The following GRK6 variants were observed in gnomAD, a reference collection of about 807,000 sequenced individuals.
GRK6 encodes G protein-coupled receptor kinase 6.
GRK6 carries 37 observed loss-of-function variants against 80.8 expected under a neutral mutation model. The observed-to-expected ratio is 0.46, with a 90% CI of 0.35 to 0.60. GRK6 has a LOEUF of 0.60. GRK6 is among the 20% of genes least tolerant of loss of function. The pLI is 0.00. For missense variants in GRK6, 560 were observed against 784.6 expected (o/e 0.71, Z 3.42); for synonymous variants, 295 against 320.9 (o/e 0.92, Z 0.86).
In GRK6 at chr5:177,433,652, G is replaced by A; in HGVS notation, c.714G>A (p.Leu238=). 1.9e-6 allele frequency: 3 copies of A among 1,614,146 alleles called. No homozygotes were observed. Among genetic ancestry groups the A allele is most frequent in the South Asian group, 2.2e-5 (2 of 91,092 alleles). The change falls in exon 8 of 16, where the codon CTG becomes CTA. Residue 238 remains leucine (L), a synonymous_variant. Coordinates refer to ENST00000355472, the MANE Select transcript of GRK6 (RefSeq NM_001004106.3). The part of the protein sequence containing the change: ...EAMALNEKQI[L]EKVNSRFVVS... ...TGGCGCTGAACGAGAAGCAGATCCT[G>A]GAGAAAGTGAACAGTAGGTTTGTAG...
At chr5:177,426,521 T>C (rs1260118655), upstream of GRK6, 2 of 152,008 alleles carry the variant, frequency 1.3e-5, no homozygotes, top group Non-Finnish European at 2.9e-5. Flanking sequence ...CGTACTTCTT[T>C]GAGCGAGTCC....
At chr5:177,432,616 A>T in intron 4 of GRK6, 90 bp from the exon 5 acceptor site, 1 of 923,408 alleles carries the variant, frequency 1.1e-6, no homozygotes, top group Non-Finnish European at 1.6e-6. Flanking sequence ...CTCTCATGGC[A>T]CCAGCCCGAG....
Position 177,429,948 on chromosome 5 carries a change from C to T in GRK6, c.53-924C>T, listed in dbSNP as rs1480604521. Among the ~76,000 whole-genome samples the T allele has an allele frequency of 6.6e-6, 1 of 152,134 alleles. No individual in the cohort carries two copies. Among genetic ancestry groups the T allele is most frequent in the Non-Finnish European group, 1.5e-5 (1 of 68,030 alleles). ...CTGGGAGGCTCAGGCCCCTTCCACC[C>T]TCCTCAACCTGGTGGCCCACAGGCC... is the stretch of plus-strand genomic sequence containing the variant. On this transcript the variant is annotated intron_variant, in intron 1 of 15. Transcript: ENST00000355472. The surrounding 1 kb of genome is among the most constrained non-coding windows in gnomAD (Gnocchi z 4.3).
At chr5:177,431,881 C>A in intron 2 of GRK6, 114 bp from the exon 3 acceptor site, 79 of 896,442 alleles carry the variant, frequency 8.8e-5, no homozygotes, top group Non-Finnish European at 1.1e-5. Context: ...ATTGTGGCTA[C>A]CACACTGCAG....
rs761589186 is a variant in GRK6 at position 177,436,540 on chromosome 5, G to A, written c.1404+10G>A. The stretch of plus-strand genomic sequence containing the variant: ...GCCGTTCAAGCCTGACGTGAGTGCA[G>A]CCCACTCCTGCTGAGGGCGGGGCCC... On this transcript the variant is annotated intron_variant, in intron 13 of 15. Transcript: ENST00000355472. The A allele has an allele frequency of 1.3e-6, 2 of 1,569,204 alleles. No homozygotes were observed. Among genetic ancestry groups the A allele is most frequent in the Non-Finnish European group, 1.7e-6 (2 of 1,156,022 alleles).
In GRK6 at chr5:177,432,102, G is replaced by A. The variant is rs1444794813; in HGVS notation, c.256G>A (p.Gly86Arg). Residue 86 changes from glycine to arginine, a missense_variant, in exon 3 of 16, where the codon GGG becomes AGG. Gly to Arg is a moderately radical substitution (Grantham distance 125). Transcript: ENST00000355472. ...ELSRCVAFLD[G>R]VAEYEVTPDD... ...GAGCCGCTGCGTCGCCTTCCTGGAT[G>A]GGGTGGTGAGTGCAGCCCAGCCCTG... 2.5e-6 allele frequency: 4 copies of A among 1,610,668 alleles called. No individual in the cohort carries two copies. The highest frequency in any genetic ancestry group is 3.4e-6 in the Non-Finnish European group (4 of 1,178,334).
At chr5:177,432,888 G>A (rs544998223) in intron 5 of GRK6, 82 bp downstream of exon 5, 23 of 1,157,578 alleles carry the variant, frequency 2.0e-5, no homozygotes, top group South Asian at 9.7e-5. Context: ...TGAACAGCTC[G>A]GTGGCTGGTG....
In GRK6 at chr5:177,434,085, C is replaced by A. The variant is rs749603773; in HGVS notation, c.910C>A (p.Arg304=). ...EICCGLEDLH[R]ERIVYRDLKP... ...CTGCTGTGGCCTGGAGGACCTGCAC[C>A]GGGAGCGCATCGTGTACAGGTGGGG... Residue 304 remains arginine (R), a synonymous_variant, in exon 9 of 16, where the codon CGG becomes AGG. Coordinates refer to ENST00000355472, the MANE Select transcript of GRK6 (RefSeq NM_001004106.3). The A allele has an allele frequency of 2.5e-6, 4 of 1,593,300 alleles. No individual in the cohort carries two copies. The highest frequency in any genetic ancestry group is 1.7e-4 in the Middle Eastern group (1 of 5,990).
chr5:177,442,873 T>C lies in GRK6; in HGVS notation c.*1083T>C, dbSNP rs925752236. The C allele has an allele frequency of 1.3e-5, 2 of 152,250 alleles. No individual in the cohort carries two copies. The highest frequency in any genetic ancestry group is 2.9e-5 in the Non-Finnish European group (2 of 68,038). The allele number at this position is 152,250 out of a possible 1,614,324, so 9.4% of individuals were successfully genotyped here. A position where few individuals can be genotyped will look rare whatever the true frequency, so the allele number is the denominator to read the frequency against. On this transcript the variant is annotated 3_prime_UTR_variant, in exon 16 of 16. Coordinates refer to ENST00000355472, the MANE Select transcript of GRK6 (RefSeq NM_001004106.3). ...AAGCTGCCACATGTCTCTGTGTGAA[T>C]AGTCCGAGCACAAACCTGGCTAGCC...
chr5:177,439,357 G>A (rs1446961597), intron 13 of GRK6, among the ~76,000 whole-genome samples: 5 of 152,006 alleles, frequency 3.3e-5, no homozygotes, highest in African/African-American at 1.2e-4. Context: ...TGGCCAACAA[G>A]GTGAAACCCC....
chr5:177,434,462 C>T (rs1467358913), intron 9 of GRK6, among the ~76,000 whole-genome samples: 1 of 152,192 alleles, frequency 6.6e-6, no homozygotes, highest in Non-Finnish European at 1.5e-5. Context: ...TGGAGGGGCC[C>T]AGTGAGCTAA....
intron 13 of GRK6, among the ~76,000 whole-genome samples, chr5:177,439,409 G>A (rs547321226): frequency 3.3e-5 from 5 of 152,068 alleles, no homozygotes; most frequent in African/African-American, 4.8e-5. Context: ...ACGTGGTGGC[G>A]CATGCCGGTA....
rs561861150 is a variant in GRK6, at chr5:177,434,528, T to A, written c.930-374T>A. Among the ~76,000 whole-genome samples, 13 of 152,328 alleles carry A rather than the reference T, an allele frequency of 8.5e-5. No individual in the cohort carries two copies. In the South Asian group the frequency reaches 2.5e-3, roughly 29 times the overall value. On this transcript the variant is annotated intron_variant, in intron 9 of 15. Transcript: ENST00000355472. ...AAGAGAGAACCCTGGCTCTGATTGT[T>A]GCCGACTTCCTGTGAACCTCACAAC...
At chr5:177,431,802 C>G (rs1366317271) in intron 2 of GRK6, 193 bp from the exon 3 acceptor site, 1 of 609,452 alleles carries the variant, frequency 1.6e-6, no homozygotes, top group East Asian at 2.8e-5. Context: ...AGTCAGTTAG[C>G]CTCTCTGGGC....
At chr5:177,430,570 C>T in intron 1 of GRK6, 1 of 392,722 alleles carries the variant, frequency 2.5e-6, no homozygotes, top group Non-Finnish European at 4.7e-6. Context: ...ACCGGGGGAA[C>T]TCCTACCTGG....
chr5:177,432,492 T>C (rs1015732290), intron 4 of GRK6, among the ~76,000 whole-genome samples, 182 bp downstream of exon 4: 1 of 152,188 alleles, frequency 6.6e-6, no homozygotes, highest in African/African-American at 2.4e-5. Context: ...GCCCAGGGTA[T>C]GGGCTGGGCT....
intron 6 of GRK6, 39 bp downstream of exon 6, chr5:177,433,278 G>A (rs551307992): frequency 1.9e-5 from 31 of 1,613,104 alleles, no homozygotes; most frequent in Middle Eastern, 1.6e-4. Flanking sequence ...AGGCCAGGTC[G>A]CCGGGGTTCT....
chr5:177,433,517 CCT>C lies in GRK6; in HGVS notation c.598-18_598-17del, dbSNP rs771587169. On this transcript the variant is annotated splice_polypyrimidine_tract_variant and intron_variant, in intron 7 of 15. Coordinates refer to ENST00000355472, the MANE Select transcript of GRK6 (RefSeq NM_001004106.3). ...ATGGCACAGCTGGCCCCCATTCGCC[CCT>C]GTCTGTCTGGCCACAGGTGTGCGCC... 12 of 1,613,708 alleles carry C rather than the reference CCT, an allele frequency of 7.4e-6. No homozygotes were observed. Among genetic ancestry groups the C allele is most frequent in the East Asian group, 2.2e-5 (1 of 44,888 alleles).
Position 177,436,152 on chromosome 5 carries a change from C to G in GRK6, c.1137C>G (p.Ile379Met). The change falls in exon 12 of 16, where the codon ATC becomes ATG. Residue 379 changes from isoleucine (I) to methionine (M), a missense_variant. Coordinates refer to ENST00000355472, the MANE Select transcript of GRK6 (RefSeq NM_001004106.3). ...TCGGCTGCCTCCTGTACGAGATGAT[C>G]GCAGGCCAGTCGCCCTTCCAGCAGA... ...WALGCLLYEM[I>M]AGQSPFQQRK... is the part of the protein sequence containing the mutation. 3 of 1,609,004 alleles carry G rather than the reference C, an allele frequency of 1.9e-6. No homozygotes were observed. The highest frequency in any genetic ancestry group is 2.6e-6 in the Non-Finnish European group (3 of 1,175,778).
Sources: allele counts gnomAD v4.1 joint callset (sites outside exome capture counted in the v4.1 genomes callset), GRCh38; gene constraint gnomAD v4.1.1; non-coding constraint Gnocchi (gnomAD v3.1); transcripts MANE v1.5; gene names NCBI Gene and HGNC (gene_info 2026-07-23, HGNC 2026-07-21).